CADPS: variants seen among roughly 807,000 people sequenced by gnomAD.
The protein encoded by CADPS is calcium dependent secretion activator.
CADPS carries 57 observed loss-of-function variants against 167.3 expected under a neutral mutation model. The ratio of observed to expected loss-of-function variants is 0.34; its 90% confidence interval spans 0.28 to 0.42. The LOEUF (loss-of-function observed/expected upper bound fraction) is 0.42. Among genes scored for constraint, CADPS ranks in the 20% least tolerant of loss-of-function variants. The probability of loss-of-function intolerance (pLI) is 1.00; values close to 1 mark genes in which losing one functional copy is unlikely to be tolerated. For missense variants in CADPS, 1,414 were observed against 1,738.1 expected (o/e 0.81, Z 3.32); for synonymous variants, 676 against 635.3 (o/e 1.06, Z -0.96).
chr3:62,456,039 G>A (rs2058651655), intron 26 of CADPS, among the ~76,000 whole-genome samples: 2 of 152,106 alleles, frequency 1.3e-5, no homozygotes, highest in Admixed American at 1.3e-4. Context: ...GGTAAAGAGT[G>A]AAGAAAACAA....
intron 6 of CADPS, among the ~76,000 whole-genome samples, chr3:62,633,510 C>T (rs545810986): frequency 2.0e-5 from 3 of 152,202 alleles, no homozygotes; most frequent in African/African-American, 4.8e-5. Context: ...TGTGCTCCAC[C>T]CTCAGGTCTT....
intron 6 of CADPS, among the ~76,000 whole-genome samples, chr3:62,598,973 A>G (rs2059301141): frequency 6.6e-6 from 1 of 152,138 alleles, no homozygotes; most frequent in African/African-American, 2.4e-5. Flanking sequence ...TAGCCAGTGG[A>G]GGAAGCATCA....
At chr3:62,784,065 T>C (rs548397624) in intron 1 of CADPS, among the ~76,000 whole-genome samples, 1 of 152,264 alleles carries the variant, frequency 6.6e-6, no homozygotes, top group South Asian at 2.1e-4. Flanking sequence ...AAGCATGAAA[T>C]GTACATGATG....
intron 1 of CADPS, among the ~76,000 whole-genome samples, chr3:62,806,464 C>G (rs898946584): frequency 1.3e-5 from 2 of 151,664 alleles, no homozygotes; most frequent in Non-Finnish European, 2.9e-5. Context: ...TATGGGAGAT[C>G]AAGGCTGCAG....
At chr3:62,652,399 C>CAAAAAA (rs57075270) in intron 4 of CADPS, among the ~76,000 whole-genome samples, 1 of 120,248 alleles carries the variant, frequency 8.3e-6, no homozygotes, top group South Asian at 2.8e-4. Context: ...TCTGTGTGGC[C>CAAAAAA]AAAAAAAAAA....
At chr3:62,406,615 T>C (rs1473160811) in intron 28 of CADPS, among the ~76,000 whole-genome samples, 1 of 152,196 alleles carries the variant, frequency 6.6e-6, no homozygotes, top group Non-Finnish European at 1.5e-5. Context: ...CTGCCTCCCT[T>C]TAATTCAAAT....
intron 28 of CADPS, among the ~76,000 whole-genome samples, chr3:62,405,402 T>G (rs534304715): frequency 6.6e-6 from 1 of 150,688 alleles, no homozygotes; most frequent in Non-Finnish European, 1.5e-5. Context: ...GCAAGCCTTG[T>G]GCAACATGCC....
chr3:62,543,740 C>A (rs1462604851), intron 11 of CADPS, among the ~76,000 whole-genome samples: 1 of 152,038 alleles, frequency 6.6e-6, no homozygotes, highest in Non-Finnish European at 1.5e-5. Flanking sequence ...TCTAAATTAG[C>A]ATTCAGAATA....
intron 1 of CADPS, among the ~76,000 whole-genome samples, chr3:62,809,082 A>G (rs549642799): frequency 6.6e-6 from 1 of 152,250 alleles, no homozygotes; most frequent in East Asian, 1.9e-4. Context: ...CTCAGATCCT[A>G]CTACCTCTGT....
intron 8 of CADPS, among the ~76,000 whole-genome samples, chr3:62,576,398 G>C (rs1347410839): frequency 1.3e-5 from 2 of 152,122 alleles, no homozygotes; most frequent in African/African-American, 4.8e-5. Context: ...GAGAACTCAT[G>C]GGGGTGATAT....
At chr3:62,437,919 A>G (rs2055485372) in intron 28 of CADPS, among the ~76,000 whole-genome samples, 185 bp downstream of exon 28, 1 of 152,188 alleles carries the variant, frequency 6.6e-6, no homozygotes, top group Non-Finnish European at 1.5e-5. Context: ...ACACTGCCAC[A>G]CCAGAGTGGG....
intron 3 of CADPS, among the ~76,000 whole-genome samples, chr3:62,704,222 G>A (rs548109046): frequency 6.6e-6 from 1 of 152,166 alleles, no homozygotes; most frequent in Non-Finnish European, 1.5e-5. Flanking sequence ...TAGGGTTTGA[G>A]ACAGTAGTTT....
chr3:62,499,940 A>C (rs1181268106), intron 17 of CADPS: 1 of 152,104 alleles, frequency 6.6e-6, no homozygotes, highest in Non-Finnish European at 1.5e-5. Flanking sequence ...AATGTACTTA[A>C]TTGTTTTCTT....
rs2069954612 is a variant in CADPS, at chr3:62,650,937, T to C, written c.1113A>G (p.Lys371=). Residue 371 remains lysine (K), a synonymous_variant, in exon 5 of 30, where the codon AAA becomes AAG. Coordinates refer to ENST00000383710, the MANE Select transcript of CADPS (RefSeq NM_003716.4). ...CGATGATGGAAGCATTGTGGCTGCG[T>C]TTGAGTTTCTGGAGCTTGAACTCCC... ...KGGEFKLQKL[K]RSHNASIIDM... 6.2e-7 allele frequency: 1 copy of C among 1,614,092 alleles called. No homozygotes were observed. Among genetic ancestry groups the C allele is most frequent in the Non-Finnish European group, 8.5e-7 (1 of 1,179,984 alleles).
At chr3:62,714,643 G>A (rs1001864920) in intron 3 of CADPS, among the ~76,000 whole-genome samples, 6 of 152,114 alleles carry the variant, frequency 3.9e-5, no homozygotes, top group Admixed American at 6.5e-5. Context: ...GAAAAAGTTA[G>A]CTAAACAAGA....
chr3:62,726,898 A>G (rs1377528393), intron 3 of CADPS, among the ~76,000 whole-genome samples: 1 of 151,756 alleles, frequency 6.6e-6, no homozygotes, highest in East Asian at 1.9e-4. Context: ...AGTTACATGG[A>G]CTTGTACAGG....
intron 3 of CADPS, among the ~76,000 whole-genome samples, chr3:62,691,381 C>T (rs1414426789): frequency 2.0e-5 from 3 of 151,822 alleles, no homozygotes; most frequent in Non-Finnish European, 4.4e-5. Context: ...ATGCATCATT[C>T]TGTTGGGGGA....
intron 6 of CADPS, among the ~76,000 whole-genome samples, chr3:62,599,780 T>TATAATATATATATTG (rs1491429269): frequency 1.6e-4 from 2 of 12,310 alleles, no homozygotes; most frequent in South Asian, 2.9e-3. Flanking sequence ...AATATATATA[T>TATAATATATATATTG]TATATATAAT....
chr3:62,821,840 A>T (rs1300691990), intron 1 of CADPS, among the ~76,000 whole-genome samples: 1 of 152,198 alleles, frequency 6.6e-6, no homozygotes, highest in Non-Finnish European at 1.5e-5. Flanking sequence ...TCAAGGTATC[A>T]TAAGACCTGG....
Sources: gnomAD v4.1 joint callset for allele counts (sites outside exome capture counted in the v4.1 genomes callset) on GRCh38, gnomAD v4.1.1 for gene constraint, MANE v1.5 for transcripts, NCBI Gene and HGNC (gene_info 2026-07-23, HGNC 2026-07-21) for gene names.